ARHGAP29: variants seen among roughly 807,000 people sequenced by gnomAD.
The protein encoded by ARHGAP29 is Rho GTPase activating protein 29.
In ARHGAP29, 43 loss-of-function variants were observed where a neutral mutation model predicts 122.6. The ratio of observed to expected loss-of-function variants is 0.35; its 90% CI spans 0.27 to 0.45. The LOEUF (loss-of-function observed/expected upper bound fraction) is 0.45. Ranked by LOEUF, ARHGAP29 falls within the 20% of genes least tolerant of loss-of-function variation. The pLI is 1.00. For synonymous variants in ARHGAP29, 506 were observed against 497.1 expected (o/e 1.02, Z -0.24); for missense variants, 1,303 against 1,477.2 (o/e 0.88, Z 1.93).
At chr1:94,238,107 G>C (rs1320841147), upstream of ARHGAP29, among the ~76,000 whole-genome samples, 1 of 123,458 alleles carries the variant, frequency 8.1e-6, no homozygotes, top group Non-Finnish European at 1.6e-5. Flanking sequence ...CTGTCGCCCA[G>C]ACGAGTCTAA....
At chr1:94,199,787 A>C (rs1650721404) in intron 12 of ARHGAP29, among the ~76,000 whole-genome samples, 1 of 152,206 alleles carries the variant, frequency 6.6e-6, no homozygotes, top group Admixed American at 6.5e-5. Context: ...TACGCTTGCC[A>C]AACCTGGTAA....
At chr1:94,216,589 A>C (rs894545482) in intron 3 of ARHGAP29, among the ~76,000 whole-genome samples, 17 of 152,228 alleles carry the variant, frequency 1.1e-4, no homozygotes, top group African/African-American at 3.4e-4. Flanking sequence ...TGAACTGCCT[A>C]TTAATAAAAT....
rs562337329 is a variant in ARHGAP29, at chr1:94,243,158, A to T, written c.-32-11515T>A. 9.1e-4 allele frequency among the ~76,000 whole-genome samples: 139 copies of T among 152,266 alleles called. 2 individuals carry two copies. The highest frequency in any genetic ancestry group is 3.1e-3 in the African/African-American group (131 of 41,592). ...GAATAACAGAAAATCATTAAGGATCATTAAGGACATAGAATACTTGAATAG... is the reference window on the plus strand; with the variant it reads ...GAATAACAGAAAATCATTAAGGATCTTTAAGGACATAGAATACTTGAATAG... On this transcript the variant is annotated intron_variant and NMD_transcript_variant, in intron 1 of 25. Coordinates refer to the ARHGAP29 transcript ENST00000552844.
the ARHGAP29 span, among the ~76,000 whole-genome samples, chr1:94,303,535 C>A: frequency 6.6e-6 from 1 of 152,080 alleles, no homozygotes; most frequent in Non-Finnish European, 1.5e-5. Flanking sequence ...ACCCCCTGAA[C>A]TATACACTTA....
At position 94,172,537 on chromosome 1, in the gene ARHGAP29, T is replaced by C. The variant is rs745515539; in HGVS notation, c.*1332A>G. ...TGTTGACTTCTAAGCCAATGGTTAA[T>C]AACCTTAAACTCTCATACTGTAATA... On this transcript the variant is annotated 3_prime_UTR_variant, in exon 23 of 23. Transcript: ENST00000260526. 2.0e-5 allele frequency: 3 copies of C among 151,518 alleles called. No individual in the cohort carries two copies. Among genetic ancestry groups the C allele is most frequent in the Admixed American group, 6.6e-5 (1 of 15,166 alleles). 9.4% of individuals were successfully genotyped at this position (151,518 alleles called of 1,614,324 possible).
the ARHGAP29 span, among the ~76,000 whole-genome samples, chr1:94,283,535 G>A: frequency 2.5e-4 from 38 of 152,268 alleles, no homozygotes; most frequent in African/African-American, 8.2e-4. Flanking sequence ...AAAAGAACTA[G>A]AATCGATTAC....
the ARHGAP29 span, chr1:94,302,045 A>G: frequency 4.1e-6 from 1 of 243,690 alleles, no homozygotes; most frequent in Non-Finnish European, 8.3e-6. Context: ...ACCATGATGA[A>G]AGTGAAGGCC....
chr1:94,302,732 C>A, the ARHGAP29 span: 1 of 379,600 alleles, frequency 2.6e-6, no homozygotes, highest in South Asian at 2.1e-5. Flanking sequence ...TACCCACTGC[C>A]AATGTGTCAG....
chr1:94,188,357 C>A (rs1342977003), intron 15 of ARHGAP29, among the ~76,000 whole-genome samples: 1 of 151,762 alleles, frequency 6.6e-6, no homozygotes, highest in Admixed American at 6.6e-5. Flanking sequence ...CAATTAAGTA[C>A]CAAACAATCC....
chr1:94,181,985 A>G (rs146253514), intron 19 of ARHGAP29, among the ~76,000 whole-genome samples: 1 of 152,244 alleles, frequency 6.6e-6, no homozygotes, highest in Non-Finnish European at 1.5e-5. Flanking sequence ...GTAAAATATT[A>G]AACTAATTTC....
chr1:94,304,668 T>C, the ARHGAP29 span, among the ~76,000 whole-genome samples: 1 of 152,244 alleles, frequency 6.6e-6, no homozygotes, highest in African/African-American at 2.4e-5. Context: ...TTTCCCTCAA[T>C]GCCAGGTTAG....
upstream of ARHGAP29, among the ~76,000 whole-genome samples, chr1:94,276,544 G>A (rs1474088551): frequency 6.6e-6 from 1 of 151,612 alleles, no homozygotes. Context: ...ACTTTGGGAG[G>A]CTGAGGCAGG....
chr1:94,223,275 G>A (rs1226873576), intron 2 of ARHGAP29, among the ~76,000 whole-genome samples: 1 of 152,114 alleles, frequency 6.6e-6, no homozygotes, highest in Admixed American at 6.6e-5. Flanking sequence ...GGTAATGTTA[G>A]TTTGGTAGGT....
intron 2 of ARHGAP29, among the ~76,000 whole-genome samples, chr1:94,226,033 T>C (rs368027996): frequency 5.9e-5 from 9 of 151,926 alleles, no homozygotes; most frequent in East Asian, 1.9e-4. Context: ...AGTGTTTATA[T>C]TGCCAACACT....
chr1:94,310,446 T>C, the ARHGAP29 span, among the ~76,000 whole-genome samples: 596 of 152,264 alleles, frequency 3.9e-3, 4 homozygotes, highest in Non-Finnish European at 6.2e-3. Flanking sequence ...AAAGCAAACA[T>C]GCTCTTTACA....
intron 1 of ARHGAP29, among the ~76,000 whole-genome samples, chr1:94,271,164 GCTGT>G (rs1654978089): frequency 6.6e-6 from 1 of 152,200 alleles, no homozygotes; most frequent in Non-Finnish European, 1.5e-5. Context: ...TTGGTTCCTT[GCTGT>G]CTGTTGGCCA....
rs1349239092 is a variant in ARHGAP29 at position 94,189,999 on chromosome 1, G to A, written c.1366C>T (p.Leu456Phe). 3 of 1,613,414 alleles carry A rather than the reference G, an allele frequency of 1.9e-6. No homozygotes were observed. The highest frequency in any genetic ancestry group is 2.5e-6 in the Non-Finnish European group (3 of 1,179,676). Reference protein sequence around the residue: ...SLQSLCDSAKLYDPGQEYSEF... With the variant: ...SLQSLCDSAKFYDPGQEYSEF... The stretch of plus-strand genomic sequence containing the variant: ...CTGTACTCTTGGCCTGGGTCATAGA[G>A]TTTGGCACTATCACAGAGAGACTGT... Residue 456 changes from leucine (L) to phenylalanine (F), a missense_variant, in exon 13 of 23, where the codon CTC becomes TTC. By Grantham distance (22) the Leu-to-Phe change is conservative. Transcript: ENST00000260526.
intron 1 of ARHGAP29, among the ~76,000 whole-genome samples, chr1:94,253,453 A>G (rs1263267052): frequency 6.6e-6 from 1 of 152,196 alleles, no homozygotes; most frequent in Non-Finnish European, 1.5e-5. Flanking sequence ...ATGAGTAAAT[A>G]TTTGAGCTAT....
chr1:94,182,808 G>A (rs1214520054), intron 19 of ARHGAP29, among the ~76,000 whole-genome samples: 1 of 111,022 alleles, frequency 9.0e-6, no homozygotes, highest in Non-Finnish European at 1.9e-5. Context: ...CAAAACAGGA[G>A]AATAAAACAA....
Sources: allele counts gnomAD v4.1 joint callset (sites outside exome capture counted in the v4.1 genomes callset), GRCh38; gene constraint gnomAD v4.1.1; transcripts MANE v1.5; gene names NCBI Gene and HGNC (gene_info 2026-07-23, HGNC 2026-07-21).